Variants in UBR2 observed in about 807,000 individuals in gnomAD.
UBR2 encodes the protein ubiquitin protein ligase E3 component n-recognin 2.
UBR2 carries 92 observed loss-of-function variants against 247.9 expected under a neutral mutation model. The ratio of observed to expected loss-of-function variants is 0.37; its 90% CI spans 0.31 to 0.44. The LOEUF is 0.44. UBR2 is among the 20% of genes least tolerant of loss of function. The pLI, the probability that UBR2 is intolerant of heterozygous loss-of-function variation, is 1.00. For missense variants in UBR2, 1,613 were observed against 2,112.6 expected, an observed-to-expected ratio of 0.76 and a Z score of 4.64; for synonymous variants, 672 against 693.5, an observed-to-expected ratio of 0.97 and a Z score of 0.49.
intron 11 of UBR2, among the ~76,000 whole-genome samples, chr6:42,624,346 T>TG (rs1398177660): frequency 6.0e-5 from 8 of 133,004 alleles, no homozygotes; most frequent in African/African-American, 2.2e-4. Context: ...GTGGGGGGGG[T>TG]GTTGCTTTGT....
Position 42,573,796 on chromosome 6 carries a change from C to G in UBR2, c.141C>G (p.Pro47=). The G allele has an allele frequency of 6.2e-7, 1 of 1,612,748 alleles. No individual in the cohort carries two copies. The highest frequency in any genetic ancestry group is 8.5e-7 in the Non-Finnish European group (1 of 1,179,292). ...EVYQHLAHYV[P]KIYCRGPNPF... ...ACCAGCATTTAGCCCACTATGTACCCAAAATCTACTGCAGGGGTCCCAACC... is the reference window on the plus strand; with the variant it reads ...ACCAGCATTTAGCCCACTATGTACCGAAAATCTACTGCAGGGGTCCCAACC... The change falls in exon 2 of 47, where the codon CCC becomes CCG. Residue 47 remains proline, a synonymous_variant. Coordinates refer to ENST00000372901, the MANE Select transcript of UBR2 (RefSeq NM_001363705.2).
chr6:42,652,686 A>G (rs781363964), intron 25 of UBR2, 41 bp downstream of exon 25: 1 of 1,549,594 alleles, frequency 6.5e-7, no homozygotes, highest in East Asian at 2.4e-5. Context: ...TTAGTATTTT[A>G]TAGTACAAGC....
chr6:42,669,140 G>A (rs1248875417), intron 34 of UBR2, among the ~76,000 whole-genome samples: 1 of 151,850 alleles, frequency 6.6e-6, no homozygotes, highest in Non-Finnish European at 1.5e-5. Flanking sequence ...GGCCAGGCTG[G>A]TCTCGAACTC....
intron 8 of UBR2, among the ~76,000 whole-genome samples, chr6:42,613,374 A>G (rs1449460411): frequency 1.3e-5 from 2 of 152,192 alleles, no homozygotes; most frequent in Non-Finnish European, 2.9e-5. Flanking sequence ...AGAGTTGAAA[A>G]TATGAAGGTG....
chr6:42,603,713 G>A lies in UBR2; in HGVS notation c.657G>A (p.Glu219=), dbSNP rs1165982087. The A allele has an allele frequency of 1.9e-6, 3 of 1,597,904 alleles. No homozygotes were observed. The highest frequency in any genetic ancestry group is 2.6e-6 in the Non-Finnish European group (3 of 1,176,386). ...AAAGTGAATTGCCAGCAGATTTAGA[G>A]ATGGTGTAAGTATAACCTGTTTATT... ...EKESELPADL[E]MVEKSDTYYC... The change falls in exon 5 of 47, where the codon GAG becomes GAA. Residue 219 remains glutamate (E), a synonymous_variant. Transcript: ENST00000372901.
intron 1 of UBR2, among the ~76,000 whole-genome samples, chr6:42,572,081 C>A (rs1257195519): frequency 6.6e-6 from 1 of 151,792 alleles, no homozygotes; most frequent in Non-Finnish European, 1.5e-5. Context: ...TTTCCCTAAC[C>A]ACTTGGCCAC....
rs565999021 is a variant in UBR2 at position 42,687,304 on chromosome 6, G to A, written c.4854-912G>A. Among the ~76,000 whole-genome samples, 264 of 152,330 alleles carry A rather than the reference G, an allele frequency of 1.7e-3. 1 individual carries two copies. The highest frequency in any genetic ancestry group is 3.1e-3 in the Non-Finnish European group (212 of 68,026). On this transcript the variant is annotated intron_variant, in intron 44 of 46. Coordinates refer to ENST00000372901, the MANE Select transcript of UBR2 (RefSeq NM_001363705.2). ...TGGAGACCAGCCCGGCCAACACGGC[G>A]AAACCCCGTCTCCACCAAAAAATAC...
chr6:42,614,346 A>ATGTGTGTC (rs771602537), intron 8 of UBR2, among the ~76,000 whole-genome samples: 1 of 61,990 alleles, frequency 1.6e-5, no homozygotes. Flanking sequence ...GTATGTGTGT[A>ATGTGTGTC]TGTATGTGTG....
rs142612402 is a variant in UBR2 at position 42,608,684 on chromosome 6, G to A, written c.864+2033G>A. 2.0e-5 allele frequency among the ~76,000 whole-genome samples: 3 copies of A among 152,192 alleles called. No homozygotes were observed. In the South Asian group the frequency reaches 6.2e-4, roughly 32 times the overall value. On this transcript the variant is annotated intron_variant, in intron 7 of 46. Coordinates refer to ENST00000372901, the MANE Select transcript of UBR2 (RefSeq NM_001363705.2). ...TTGCCAATCTGATGTGTGTGAAATG[G>A]TAGTTCATCAGTTAAATTTGCATTT...
At position 42,642,501 on chromosome 6, in the gene UBR2, G is replaced by C; in HGVS notation, c.2097+20G>C. On this transcript the variant is annotated intron_variant, in intron 18 of 46. Coordinates refer to ENST00000372901, the MANE Select transcript of UBR2 (RefSeq NM_001363705.2). Reference sequence around the variant, plus strand: ...CTTCAGGTAATGAATTAAAAGCATTGAACTTAAAGGTTGTGGGGAATCTTT... The same window carrying C: ...CTTCAGGTAATGAATTAAAAGCATTCAACTTAAAGGTTGTGGGGAATCTTT... The C allele has an allele frequency of 6.3e-7, 1 of 1,586,914 alleles. No individual in the cohort carries two copies. The highest frequency in any genetic ancestry group is 8.6e-7 in the Non-Finnish European group (1 of 1,158,358).
intron 38 of UBR2, among the ~76,000 whole-genome samples, chr6:42,675,772 C>T (rs1798687168): frequency 6.6e-6 from 1 of 152,052 alleles, no homozygotes. Flanking sequence ...CCAGCCTGGC[C>T]AACGTGGCAA....
At chr6:42,590,311 C>T (rs115345392) in intron 2 of UBR2, among the ~76,000 whole-genome samples, 76 of 152,248 alleles carry the variant, frequency 5.0e-4, no homozygotes, top group African/African-American at 1.6e-3. Flanking sequence ...ACTTTTAATA[C>T]GGTAGTCAAC....
chr6:42,625,798 C>A (rs1436342563), intron 11 of UBR2, among the ~76,000 whole-genome samples: 1 of 150,450 alleles, frequency 6.6e-6, no homozygotes, highest in Non-Finnish European at 1.5e-5. Flanking sequence ...CCTTTAGTTG[C>A]GTTGATTTAT....
At chr6:42,630,947 C>T (rs1277545782) in intron 11 of UBR2, among the ~76,000 whole-genome samples, 1 of 152,016 alleles carries the variant, frequency 6.6e-6, no homozygotes, top group Non-Finnish European at 1.5e-5. Context: ...GCTGGGAATA[C>T]AGGTACATGC....
chr6:42,624,271 G>GGA (rs1466025076), intron 11 of UBR2, among the ~76,000 whole-genome samples: 1 of 151,714 alleles, frequency 6.6e-6, no homozygotes, highest in Non-Finnish European at 1.5e-5. Flanking sequence ...CAAGTAGCTG[G>GGA]GAGTACAGGC....
Position 42,655,677 on chromosome 6 carries a change from C to T in UBR2, c.2826C>T (p.Val942=), listed in dbSNP as rs756705385. ...LQEEKQHLEN[V]TEEHVVTFTF... ...AAGAAAAACAACATTTAGAGAATGT[C>T]ACGGAAGAGCATGTAGTAACATTTA... Residue 942 remains valine, a synonymous_variant, in exon 26 of 47, where the codon GTC becomes GTT. Transcript: ENST00000372901. 6.4e-7 allele frequency: 1 copy of T among 1,558,348 alleles called. No individual in the cohort carries two copies. Among genetic ancestry groups the T allele is most frequent in the East Asian group, 2.4e-5 (1 of 41,132 alleles).
chr6:42,690,903 T>G (rs1003102589), intron 46 of UBR2, 129 bp from the exon 47 acceptor site: 4 of 1,195,882 alleles, frequency 3.3e-6, no homozygotes, highest in African/African-American at 3.1e-5. Flanking sequence ...CACAGTCACC[T>G]GCCAGACAGA....
At chr6:42,619,451 A>AAT (rs1554251924) in intron 11 of UBR2, 1 of 22,996 alleles carries the variant, frequency 4.3e-5, no homozygotes, top group African/African-American at 1.1e-4. Flanking sequence ...ATATATATAT[A>AAT]TATTTTTTTT....
intron 3 of UBR2, 104 bp downstream of exon 3, chr6:42,592,333 G>C: frequency 1.1e-6 from 1 of 951,392 alleles, no homozygotes; most frequent in Non-Finnish European, 1.5e-6. Context: ...ATGGGGGGAG[G>C]GTGGTTTAAA....
Sources: allele counts gnomAD v4.1 joint callset (sites outside exome capture counted in the v4.1 genomes callset), GRCh38; gene constraint gnomAD v4.1.1; transcripts MANE v1.5; gene names NCBI Gene and HGNC (gene_info 2026-07-23, HGNC 2026-07-21).